The following PRKCH variants were observed in gnomAD, a reference collection of about 807,000 sequenced individuals.
The protein encoded by PRKCH is protein kinase C eta.
Under a neutral mutation model 82.5 loss-of-function variants are expected in PRKCH, and 28 were observed. The observed-to-expected ratio is 0.34, with a 90% confidence interval of 0.25 to 0.47. The LOEUF is 0.47. Ranked by LOEUF, PRKCH falls within the 20% of genes least tolerant of loss-of-function variation. The pLI is 1.00. For synonymous variants in PRKCH, 322 were observed against 327.4 expected (o/e 0.98, Z 0.18); for missense variants, 705 against 881.8 (o/e 0.80, Z 2.54).
chr14:61,385,858 C>T (rs2140192321), intron 1 of PRKCH, among the ~76,000 whole-genome samples: 1 of 152,264 alleles, frequency 6.6e-6, no homozygotes, highest in South Asian at 2.1e-4. Flanking sequence ...GATGTGGGTT[C>T]CAGCAGTAGT....
At chr14:61,207,106 C>CAAAAAAAAAAAAAAAA (rs71114196) in intron 1 of PRKCH, among the ~76,000 whole-genome samples, 1 of 49,160 alleles carries the variant, frequency 2.0e-5, no homozygotes, top group East Asian at 8.6e-4. Context: ...AACTCCATCT[C>CAAAAAAAAAAAAAAAA]AAAAAAAAAA....
chr14:61,351,587 C>G (rs879930930), intron 1 of PRKCH, among the ~76,000 whole-genome samples: 3 of 152,142 alleles, frequency 2.0e-5, no homozygotes, highest in African/African-American at 7.2e-5. Flanking sequence ...TTTGAGGGAA[C>G]TAAGTGGTGT....
At chr14:61,299,346 T>G (rs1255287275) in intron 1 of PRKCH, among the ~76,000 whole-genome samples, 1 of 152,130 alleles carries the variant, frequency 6.6e-6, no homozygotes, top group Non-Finnish European at 1.5e-5. Context: ...GTTCTTACCT[T>G]ACCAGTCAAA....
chr14:61,240,304 T>C (rs898007743), intron 1 of PRKCH, among the ~76,000 whole-genome samples: 22 of 152,308 alleles, frequency 1.4e-4, no homozygotes, highest in African/African-American at 4.8e-4. Flanking sequence ...GTTGGTTATA[T>C]TGGGAGGTTG....
intron 2 of PRKCH, among the ~76,000 whole-genome samples, chr14:61,438,637 A>G (rs1490405748): frequency 6.6e-6 from 1 of 152,218 alleles, no homozygotes; most frequent in African/African-American, 2.4e-5. Flanking sequence ...GAATCACAGC[A>G]ACCGAGAATA....
At position 61,356,252 on chromosome 14, in the gene PRKCH, A is replaced by G. The variant is rs574461962; in HGVS notation, c.363+33788A>G. On this transcript the variant is annotated intron_variant, in intron 1 of 13. Transcript: ENST00000332981. ...TTGGGGGTTGGGAGGAATTGGAATC[A>G]TGTACTTCTATTGTTGCTGTCCAAA... 2.0e-5 allele frequency among the ~76,000 whole-genome samples: 3 copies of G among 152,242 alleles called. No homozygotes were observed. In the South Asian group the frequency reaches 6.2e-4, roughly 32 times the overall value.
At chr14:61,507,497 C>T (rs1199861219) in intron 10 of PRKCH, among the ~76,000 whole-genome samples, 1 of 152,086 alleles carries the variant, frequency 6.6e-6, no homozygotes, top group Non-Finnish European at 1.5e-5. Context: ...ATCATTGCAG[C>T]GTTATTCACG....
chr14:61,192,115 G>A (rs2044410607), intron 1 of PRKCH, among the ~76,000 whole-genome samples: 1 of 152,114 alleles, frequency 6.6e-6, no homozygotes, highest in Non-Finnish European at 1.5e-5. Flanking sequence ...TTACTCTGAT[G>A]TGTGAAATAG....
At chr14:61,393,858 G>C (rs2046726377) in intron 2 of PRKCH, among the ~76,000 whole-genome samples, 1 of 152,206 alleles carries the variant, frequency 6.6e-6, no homozygotes, top group Non-Finnish European at 1.5e-5. Context: ...CTACAAATGT[G>C]GGTCTCACCT....
At chr14:61,218,988 C>T (rs542827872) in intron 1 of PRKCH, among the ~76,000 whole-genome samples, 157 of 152,364 alleles carry the variant, frequency 1.0e-3, no homozygotes, top group Non-Finnish European at 7.9e-4. Flanking sequence ...GAGAAGCTGA[C>T]CCAGCTGTTT....
intron 1 of PRKCH, among the ~76,000 whole-genome samples, chr14:61,307,845 A>G (rs2045494400): frequency 6.6e-6 from 1 of 152,200 alleles, no homozygotes; most frequent in African/African-American, 2.4e-5. Flanking sequence ...TTATTTTATT[A>G]TTTTTGAGTG....
intron 1 of PRKCH, among the ~76,000 whole-genome samples, chr14:61,282,040 GGT>G (rs200754302): frequency 0.06 from 9,053 of 151,440 alleles, 462 homozygotes; most frequent in East Asian, 0.16. Context: ...ACTCTTAGCT[GGT>G]GTGGAGAAAC....
chr14:61,235,178 A>G lies in PRKCH; in HGVS notation c.-19+47510A>G, dbSNP rs544083503. On this transcript the variant is annotated intron_variant, in intron 1 of 3. Transcript: ENST00000555185. ...TTTCCATAGTAATTTCCAAAGGACC[A>G]TGCTCCATATGGGCATCCCTTTAAT... 2.0e-5 allele frequency among the ~76,000 whole-genome samples: 3 copies of G among 152,288 alleles called. No homozygotes were observed. The East Asian group carries it at 5.8e-4, about 29-fold the overall frequency.
At chr14:61,496,738 C>T (rs1886683516) in intron 10 of PRKCH, among the ~76,000 whole-genome samples, 1 of 152,210 alleles carries the variant, frequency 6.6e-6, no homozygotes, top group Non-Finnish European at 1.5e-5. Context: ...CTTAGGTGTT[C>T]ATGGAATTGA....
At chr14:61,254,199 A>G (rs1031410540) in intron 1 of PRKCH, among the ~76,000 whole-genome samples, 4 of 152,152 alleles carry the variant, frequency 2.6e-5, no homozygotes, top group Non-Finnish European at 4.4e-5. Context: ...CTGTTTGCTA[A>G]CATCCCAGAA....
chr14:61,520,444 T>G (rs980320394), intron 10 of PRKCH, among the ~76,000 whole-genome samples: 1 of 152,230 alleles, frequency 6.6e-6, no homozygotes, highest in Admixed American at 6.5e-5. Flanking sequence ...GAAAGATTGA[T>G]AACTGGACTA....
intron 1 of PRKCH, among the ~76,000 whole-genome samples, chr14:61,254,937 G>C (rs2044984154): frequency 6.6e-6 from 1 of 152,136 alleles, no homozygotes. Context: ...ACTGCCGCCT[G>C]CCAGGTTCCA....
chr14:61,203,314 C>G (rs1328324330), intron 1 of PRKCH, among the ~76,000 whole-genome samples: 1 of 151,978 alleles, frequency 6.6e-6, no homozygotes, highest in Non-Finnish European at 1.5e-5. Context: ...ACCAGATATC[C>G]CAGGGAAGGG....
In PRKCH at chr14:61,322,080, G is replaced by T; in HGVS notation, c.-22G>T. On this transcript the variant is annotated 5_prime_UTR_variant, in exon 1 of 14. Transcript: ENST00000332981. ...CGCTGCGAAGCAGCGCGGCCCCCCG[G>T]GGCCGGGGCAGCGGCGCCGGCATGT... 1 of 1,522,050 alleles carries T rather than the reference G, an allele frequency of 6.6e-7. No homozygotes were observed. The highest frequency in any genetic ancestry group is 8.9e-7 in the Non-Finnish European group (1 of 1,128,662). 94.3% of individuals were successfully genotyped at this position (1,522,050 alleles called of 1,614,324 possible).
Sources: gnomAD v4.1 joint callset for allele counts (sites outside exome capture counted in the v4.1 genomes callset) on GRCh38, gnomAD v4.1.1 for gene constraint, MANE v1.5 for transcripts, NCBI Gene and HGNC (gene_info 2026-07-23, HGNC 2026-07-21) for gene names.